The following MTUS2 variants were observed in gnomAD, a reference collection of about 807,000 sequenced individuals.
MTUS2 encodes microtubule-associated tumor suppressor candidate 2.
In MTUS2, 40 loss-of-function variants were observed where a neutral mutation model predicts 114.1. That is an observed-to-expected ratio of 0.35 (90% CI 0.27 to 0.46). The LOEUF (loss-of-function observed/expected upper bound fraction) is 0.46, where lower values mean the gene tolerates loss of function less well. Among genes scored for constraint, MTUS2 ranks in the 20% least tolerant of loss-of-function variants. MTUS2 has a pLI of 1.00. For synonymous variants in MTUS2, 688 were observed against 672.0 expected, an observed-to-expected ratio of 1.02 and a Z score of -0.37; for missense variants, 1,679 against 1,705.4, an observed-to-expected ratio of 0.98 and a Z score of 0.27.
At chr13:29,214,671 A>G (rs1467038495) in intron 5 of MTUS2, among the ~76,000 whole-genome samples, 2 of 152,178 alleles carry the variant, frequency 1.3e-5, no homozygotes, top group African/African-American at 4.8e-5. Flanking sequence ...TTTCTTTAAG[A>G]ATGTTGAATA....
intron 9 of MTUS2, among the ~76,000 whole-genome samples, chr13:29,449,673 T>TTC (rs1341966232): frequency 2.0e-5 from 3 of 152,064 alleles, no homozygotes; most frequent in Admixed American, 6.6e-5. Context: ...GGTTTTTTTT[T>TTC]TTCCAATTTT....
intron 6 of MTUS2, among the ~76,000 whole-genome samples, chr13:29,291,049 C>G (rs147158464): frequency 6.6e-6 from 1 of 152,182 alleles, no homozygotes; most frequent in Non-Finnish European, 1.5e-5. Context: ...AAATGAGAGA[C>G]GTGCCCTTTG....
At chr13:29,076,674 G>A (rs1889207798) in intron 4 of MTUS2, among the ~76,000 whole-genome samples, 2 of 152,118 alleles carry the variant, frequency 1.3e-5, no homozygotes, top group African/African-American at 4.8e-5. Flanking sequence ...CCCCCTCGAT[G>A]AGCAATCCAA....
chr13:29,319,133 G>A (rs1900145681), intron 6 of MTUS2, among the ~76,000 whole-genome samples: 1 of 152,176 alleles, frequency 6.6e-6, no homozygotes, highest in African/African-American at 2.4e-5. Flanking sequence ...TGAGAGAAGA[G>A]CCTGTGCATT....
At position 29,105,754 on chromosome 13, in the gene MTUS2, G is replaced by C. The variant is rs77122944; in HGVS notation, c.2644+4784G>C. Among the ~76,000 whole-genome samples the C allele has an allele frequency of 3.1e-3, 462 of 151,154 alleles. 2 individuals are homozygous for C. Among genetic ancestry groups the C allele is most frequent in the Middle Eastern group, 0.021 (6 of 292 alleles). On this transcript the variant is annotated intron_variant, in intron 5 of 15. Coordinates refer to ENST00000612955, the MANE Select transcript of MTUS2 (RefSeq NM_001033602.4). ...GGCTGACGTTCGCATAAATAATCCT[G>C]GCAAAGGATGTATGTTTTCGGAGCC...
At chr13:28,879,223 G>A (rs572274477) in intron 2 of MTUS2, among the ~76,000 whole-genome samples, 44 of 151,908 alleles carry the variant, frequency 2.9e-4, no homozygotes, top group African/African-American at 1.1e-3. Flanking sequence ...TTAGACCTTT[G>A]TCAGATGGAT....
At chr13:29,127,058 A>T (rs1891550147) in intron 5 of MTUS2, among the ~76,000 whole-genome samples, 1 of 152,064 alleles carries the variant, frequency 6.6e-6, no homozygotes, top group African/African-American at 2.4e-5. Flanking sequence ...TCTCTTGTGT[A>T]CCCACATGCG....
intron 2 of MTUS2, among the ~76,000 whole-genome samples, chr13:29,007,186 A>G (rs555726944): frequency 6.6e-6 from 1 of 152,288 alleles, no homozygotes; most frequent in South Asian, 2.1e-4. Context: ...CTAAACCTTC[A>G]CACTTTGCTA....
chr13:29,056,681 T>C (rs993148854), intron 4 of MTUS2, among the ~76,000 whole-genome samples: 2 of 152,076 alleles, frequency 1.3e-5, no homozygotes, highest in African/African-American at 4.8e-5. Flanking sequence ...TCTTGTTGTG[T>C]TTATTTGCAT....
intron 9 of MTUS2, among the ~76,000 whole-genome samples, chr13:29,476,327 A>T (rs919259201): frequency 6.6e-5 from 10 of 151,200 alleles, no homozygotes; most frequent in African/African-American, 2.2e-4. Context: ...GTATATATGT[A>T]TGTGTGTTTG....
intron 5 of MTUS2, among the ~76,000 whole-genome samples, chr13:29,102,937 G>A (rs896159827): frequency 1.6e-4 from 25 of 152,126 alleles, no homozygotes; most frequent in African/African-American, 5.6e-4. Flanking sequence ...TCTTCTCCAA[G>A]CTTGTTCATT....
chr13:29,175,398 C>T (rs1271847049), intron 5 of MTUS2, among the ~76,000 whole-genome samples: 3 of 152,246 alleles, frequency 2.0e-5, no homozygotes, highest in Admixed American at 1.3e-4. Flanking sequence ...CCATCTGAAG[C>T]GTTCATAGGC....
At chr13:28,932,128 C>T (rs904620169) in intron 2 of MTUS2, among the ~76,000 whole-genome samples, 1 of 152,148 alleles carries the variant, frequency 6.6e-6, no homozygotes, top group Non-Finnish European at 1.5e-5. Flanking sequence ...CCCATATAAG[C>T]TGCAGCTCAC....
chr13:29,280,612 C>A (rs1444669959), intron 5 of MTUS2, among the ~76,000 whole-genome samples: 3 of 152,076 alleles, frequency 2.0e-5, no homozygotes, highest in Non-Finnish European at 4.4e-5. Flanking sequence ...TTAGACTAAC[C>A]TTTGAAAAGG....
chr13:29,212,468 A>T (rs1337309718), intron 5 of MTUS2, among the ~76,000 whole-genome samples: 1 of 152,210 alleles, frequency 6.6e-6, no homozygotes, highest in Admixed American at 6.5e-5. Flanking sequence ...CAGAGTTAGC[A>T]CAGACCATAC....
intron 2 of MTUS2, among the ~76,000 whole-genome samples, chr13:28,922,534 C>G (rs912628404): frequency 6.6e-6 from 1 of 152,136 alleles, no homozygotes; most frequent in African/African-American, 2.4e-5. Context: ...TCTGGCTATG[C>G]CTGGTCCAAA....
chr13:28,912,974 C>T (rs1487188820), intron 2 of MTUS2, among the ~76,000 whole-genome samples: 1 of 152,118 alleles, frequency 6.6e-6, no homozygotes, highest in Non-Finnish European at 1.5e-5. Context: ...TATCCTGAGA[C>T]TTTGCTGAAG....
At chr13:29,117,833 C>T (rs1316938345) in intron 5 of MTUS2, among the ~76,000 whole-genome samples, 4 of 152,118 alleles carry the variant, frequency 2.6e-5, no homozygotes, top group African/African-American at 4.8e-5. Context: ...CCCTGTCAGC[C>T]GTGAGGTGTG....
intron 5 of MTUS2, among the ~76,000 whole-genome samples, chr13:29,151,582 A>G (rs550664145): frequency 6.6e-6 from 1 of 152,288 alleles, no homozygotes; most frequent in East Asian, 1.9e-4. Flanking sequence ...TTGAAAAAGA[A>G]TGATGAGATT....
Sources: gnomAD v4.1 joint callset for allele counts (sites outside exome capture counted in the v4.1 genomes callset) on GRCh38, gnomAD v4.1.1 for gene constraint, MANE v1.5 for transcripts, NCBI Gene and HGNC (gene_info 2026-07-23, HGNC 2026-07-21) for gene names.